Variants in ZC3H15 observed in about 807,000 individuals in gnomAD.
ZC3H15 encodes zinc finger CCCH domain-containing protein 15.
Under a neutral mutation model 51.2 loss-of-function variants are expected in ZC3H15, and 15 were observed. The ratio of observed to expected loss-of-function variants is 0.29; its 90% CI spans 0.20 to 0.45. The LOEUF (loss-of-function observed/expected upper bound fraction) is 0.45. ZC3H15 is among the 20% of genes least tolerant of loss of function. The pLI, the probability that ZC3H15 is intolerant of heterozygous loss-of-function variation, is 1.00. For synonymous variants in ZC3H15, 144 were observed against 162.8 expected (o/e 0.88, Z 0.88); for missense variants, 381 against 494.7 (o/e 0.77, Z 2.18).
chr2:186,502,678 A>T lies in ZC3H15; in HGVS notation c.534+91A>T. On this transcript the variant is annotated intron_variant, in intron 5 of 9. Transcript: ENST00000337859. Reference sequence around the variant, plus strand: ...ATTTGCTGCTATTTTCTATTAGATTATTCTGTAAGTTACTGGAAAATTTGA... The same window carrying T: ...ATTTGCTGCTATTTTCTATTAGATTTTTCTGTAAGTTACTGGAAAATTTGA... 2.8e-6 allele frequency: 3 copies of T among 1,058,532 alleles called. No homozygotes were observed. The East Asian group carries it at 8.0e-5, about 28-fold the overall frequency. 65.6% of individuals were successfully genotyped at this position (1,058,532 alleles called of 1,614,324 possible).
At position 186,489,329 on chromosome 2, in the gene ZC3H15, GTT is replaced by G. The variant is rs1685157811; in HGVS notation, c.75+2873_75+2874del. On this transcript the variant is annotated intron_variant, in intron 1 of 9. Coordinates refer to ENST00000337859, the MANE Select transcript of ZC3H15 (RefSeq NM_018471.3). The stretch of plus-strand genomic sequence containing the variant: ...AGAGACTATTCTGTTATTCAGCCTG[GTT>G]AGGAAATGATATAGTCTGCTTCATT... 3.3e-5 allele frequency among the ~76,000 whole-genome samples: 5 copies of G among 152,250 alleles called. No individual in the cohort carries two copies. The South Asian group carries it at 1.0e-3, about 32-fold the overall frequency.
chr2:186,499,335 T>C (rs1685339330), intron 2 of ZC3H15, among the ~76,000 whole-genome samples: 2 of 152,188 alleles, frequency 1.3e-5, no homozygotes, highest in African/African-American at 2.4e-5. Context: ...AAGCTACTGA[T>C]GCAATCTAAG....
chr2:186,508,792 TTAA>T lies in ZC3H15; in HGVS notation c.*61_*63del. ...TCAGCACGAGTTGAAATTGACTACA[TTAA>T]TTTCTTTCCACCTAGAATCAACAGG... On this transcript the variant is annotated 3_prime_UTR_variant, in exon 10 of 10. Coordinates refer to ENST00000337859, the MANE Select transcript of ZC3H15 (RefSeq NM_018471.3). 1.3e-6 allele frequency: 2 copies of T among 1,541,482 alleles called. No individual in the cohort carries two copies. Among genetic ancestry groups the T allele is most frequent in the Non-Finnish European group, 1.8e-6 (2 of 1,124,538 alleles).
chr2:186,502,421 T>C, intron 4 of ZC3H15, 75 bp from the exon 5 acceptor site: 2 of 1,246,642 alleles, frequency 1.6e-6, no homozygotes, highest in Non-Finnish European at 2.3e-6. Flanking sequence ...TAACACAGCA[T>C]TAGTGTCTAA....
chr2:186,493,641 A>G (rs1291841239), intron 1 of ZC3H15, among the ~76,000 whole-genome samples: 1 of 152,008 alleles, frequency 6.6e-6, no homozygotes, highest in East Asian at 1.9e-4. Context: ...TTATTCTCTC[A>G]GAGATCTGGA....
chr2:186,493,507 G>T (rs1685231935), intron 1 of ZC3H15, among the ~76,000 whole-genome samples: 1 of 152,114 alleles, frequency 6.6e-6, no homozygotes, highest in Non-Finnish European at 1.5e-5. Flanking sequence ...ATTAGCATTT[G>T]GTTTCTTGTC....
At chr2:186,489,710 A>C (rs546411582) in intron 1 of ZC3H15, among the ~76,000 whole-genome samples, 16 of 152,296 alleles carry the variant, frequency 1.1e-4, no homozygotes, top group African/African-American at 3.6e-4. Flanking sequence ...CTGTGGAAAA[A>C]TCAACATGCA....
intron 1 of ZC3H15, among the ~76,000 whole-genome samples, chr2:186,492,595 A>G (rs1359782463): frequency 2.0e-5 from 3 of 152,206 alleles, no homozygotes; most frequent in Non-Finnish European, 4.4e-5. Context: ...AGAGATAACC[A>G]TTTAGAAGCA....
chr2:186,509,000 T>C lies in ZC3H15; in HGVS notation c.*267T>C, dbSNP rs1362119729. 1.8e-6 allele frequency: 1 copy of C among 557,174 alleles called. No individual in the cohort carries two copies. The highest frequency in any genetic ancestry group is 4.3e-5 in the East Asian group (1 of 23,330). The allele number at this position is 557,174 out of a possible 1,614,324, so 34.5% of individuals were successfully genotyped here. On this transcript the variant is annotated 3_prime_UTR_variant, in exon 10 of 10. Transcript: ENST00000337859. The stretch of plus-strand genomic sequence containing the variant: ...TTGATGTTGTAACTGTCCACCCAAG[T>C]AAGAAGTGTATCTGCCTTTCCATCT...
intron 1 of ZC3H15, chr2:186,489,156 G>A (rs1335718548): frequency 6.6e-6 from 1 of 152,068 alleles, no homozygotes; most frequent in Non-Finnish European, 1.5e-5. Context: ...TTATGTTCTG[G>A]TCCAGGGACC....
intron 1 of ZC3H15, among the ~76,000 whole-genome samples, chr2:186,488,188 A>G (rs1214685731): frequency 6.6e-6 from 1 of 152,164 alleles, no homozygotes; most frequent in Non-Finnish European, 1.5e-5. Flanking sequence ...TTGTTGAGGT[A>G]TAACTTATGT....
intron 1 of ZC3H15, among the ~76,000 whole-genome samples, chr2:186,489,538 T>C (rs928966263): frequency 1.3e-5 from 2 of 152,180 alleles, no homozygotes; most frequent in Admixed American, 1.3e-4. Flanking sequence ...TTTGGGAGGT[T>C]TTATAGCTGT....
intron 2 of ZC3H15, chr2:186,499,674 G>T: frequency 2.3e-6 from 1 of 436,280 alleles, no homozygotes; most frequent in Non-Finnish European, 4.6e-6. Context: ...TATGTAAATC[G>T]TGTGCCTGGA....
rs997900068 is a variant in ZC3H15, at chr2:186,486,420, A to G, written c.38A>G (p.Lys13Arg). ...PKKQAQAGGS[K>R]KAEQKKKEKI... ...AAACAGGCTCAGGCCGGGGGCAGCA[A>G]AAAGGCGGAGCAAAAAAAGAAGGAG... The change falls in exon 1 of 10, where the codon AAA (lysine) becomes AGA (arginine). Residue 13 changes from lysine (K) to arginine (R), a missense_variant. By Grantham distance (26) the Lys-to-Arg change is conservative (BLOSUM62 2). This residue lies in a region of ZC3H15 where 125 missense variants were observed against 166.3 expected (regional missense o/e 0.75). Transcript: ENST00000337859. The G allele has an allele frequency of 6.4e-7, 1 of 1,564,168 alleles. No individual in the cohort carries two copies. The highest frequency in any genetic ancestry group is 8.7e-7 in the Non-Finnish European group (1 of 1,152,592).
At chr2:186,488,504 G>A (rs1685141188) in intron 1 of ZC3H15, 1 of 152,154 alleles carries the variant, frequency 6.6e-6, no homozygotes, top group African/African-American at 2.4e-5. Context: ...TTTCTAGTAT[G>A]TTCCTTATTG....
chr2:186,506,982 T>A, intron 9 of ZC3H15, 146 bp downstream of exon 9: 1 of 900,602 alleles, frequency 1.1e-6, no homozygotes, highest in Non-Finnish European at 1.6e-6. Context: ...CAGTAATAAA[T>A]AGTGAAAGGC....
At chr2:186,498,922 T>C (rs1685331586) in intron 2 of ZC3H15, among the ~76,000 whole-genome samples, 1 of 152,182 alleles carries the variant, frequency 6.6e-6, no homozygotes, top group Admixed American at 6.5e-5. Flanking sequence ...AATATGCATG[T>C]CTATCTGCCT....
chr2:186,500,050 G>A (rs1685352518), intron 2 of ZC3H15, 132 bp from the exon 3 acceptor site: 5 of 703,104 alleles, frequency 7.1e-6, no homozygotes, highest in African/African-American at 1.8e-5. Flanking sequence ...ACTCTGTAAG[G>A]CCATTATAAC....
chr2:186,489,274 A>C (rs954497129), intron 1 of ZC3H15, among the ~76,000 whole-genome samples: 11 of 152,220 alleles, frequency 7.2e-5, no homozygotes, highest in Non-Finnish European at 1.6e-4. Flanking sequence ...TTGTAGTGTT[A>C]AGTTACAGCA....
Sources: gnomAD v4.1 joint callset for allele counts (sites outside exome capture counted in the v4.1 genomes callset) on GRCh38, gnomAD v4.1.1 for gene constraint, gnomAD v4.1.1 regional missense constraint, MANE v1.5 for transcripts, NCBI Gene and HGNC (gene_info 2026-07-23, HGNC 2026-07-21) for gene names.